Variants in TAF1B observed in about 807,000 individuals in gnomAD.
The protein encoded by TAF1B is TATA-box binding protein associated factor, RNA polymerase I subunit B, also known as TATA box-binding protein-associated factor RNA polymerase I subunit B.
Under a neutral mutation model 83.9 loss-of-function variants are expected in TAF1B, and 61 were observed. That is an observed-to-expected ratio of 0.73 (90% confidence interval 0.59 to 0.90). The LOEUF (loss-of-function observed/expected upper bound fraction) is 0.90. Ranked by LOEUF, TAF1B falls within the 40% of genes least tolerant of loss-of-function variation. The pLI, the probability that TAF1B is intolerant of heterozygous loss-of-function variation, is 0.00. For synonymous variants in TAF1B, 221 were observed against 224.6 expected (o/e 0.98, Z 0.14); for missense variants, 625 against 677.0 (o/e 0.92, Z 0.85).
chr2:9,896,030 A>T (rs1206300551), intron 8 of TAF1B, among the ~76,000 whole-genome samples: 2 of 152,186 alleles, frequency 1.3e-5, no homozygotes, highest in East Asian at 3.8e-4. Flanking sequence ...TTTTTAATGC[A>T]TGCTGGAACA....
chr2:9,932,955 C>T (rs1375792421), intron 14 of TAF1B, among the ~76,000 whole-genome samples: 1 of 152,240 alleles, frequency 6.6e-6, no homozygotes, highest in Admixed American at 6.5e-5. Flanking sequence ...GAGCAAGGCT[C>T]CGTGGGCGAG....
At chr2:9,893,919 T>C (rs1431191380) in intron 8 of TAF1B, among the ~76,000 whole-genome samples, 2 of 152,198 alleles carry the variant, frequency 1.3e-5, no homozygotes, top group African/African-American at 4.8e-5. Context: ...CATTTATTAT[T>C]ACCAGGCTTC....
At chr2:9,863,626 T>C (rs1433778384) in intron 5 of TAF1B, among the ~76,000 whole-genome samples, 2 of 152,162 alleles carry the variant, frequency 1.3e-5, no homozygotes, top group South Asian at 2.1e-4. Flanking sequence ...CTCTCCATCC[T>C]AAATCAACAG....
chr2:9,868,547 A>G, intron 6 of TAF1B, 118 bp downstream of exon 6: 2 of 1,377,576 alleles, frequency 1.5e-6, no homozygotes, highest in Non-Finnish European at 2.0e-6. Context: ...GGAAGAATCT[A>G]GCAAGGAAGA....
At chr2:9,864,278 C>T (rs1663887246) in intron 5 of TAF1B, among the ~76,000 whole-genome samples, 1 of 124,974 alleles carries the variant, frequency 8.0e-6, no homozygotes, top group South Asian at 2.6e-4. Context: ...CACCACCGAT[C>T]CCACAGCTAC....
Position 9,843,684 on chromosome 2 carries a change from G to T in TAF1B, c.18+125G>T, listed in dbSNP as rs969110306. 23 of 1,149,686 alleles carry T rather than the reference G, an allele frequency of 2.0e-5. No homozygotes were observed. The Admixed American group carries it at 2.5e-4, about 13-fold the overall frequency. The allele number at this position is 1,149,686 out of a possible 1,614,324, so 71.2% of individuals were successfully genotyped here. On this transcript the variant is annotated intron_variant, in intron 1 of 14. Coordinates refer to ENST00000263663, the MANE Select transcript of TAF1B (RefSeq NM_005680.3). ...GCCACCGGCTGGAGGAAGGCGGGGC[G>T]GAGGGCTGCAGGGCGGGCTAAGGAC...
chr2:9,849,865 T>C (rs1016845690), intron 3 of TAF1B, among the ~76,000 whole-genome samples: 4 of 152,166 alleles, frequency 2.6e-5, no homozygotes, highest in African/African-American at 9.7e-5. Flanking sequence ...AATTAACCAT[T>C]GTTGAGAAGG....
chr2:9,888,992 G>A (rs1362630742), intron 8 of TAF1B, among the ~76,000 whole-genome samples: 1 of 151,130 alleles, frequency 6.6e-6, no homozygotes, highest in Non-Finnish European at 1.5e-5. Flanking sequence ...AGTAGAGATG[G>A]GGTTTCACCA....
At chr2:9,868,200 G>T in intron 5 of TAF1B, 76 bp from the exon 6 acceptor site, 2 of 1,473,610 alleles carry the variant, frequency 1.4e-6, no homozygotes, top group Non-Finnish European at 1.9e-6. Flanking sequence ...TTTGTGATAG[G>T]AGTTGTTTAA....
intron 8 of TAF1B, among the ~76,000 whole-genome samples, chr2:9,884,560 A>C (rs396281): frequency 1.1e-4 from 16 of 152,110 alleles, no homozygotes; most frequent in African/African-American, 3.6e-4. Context: ...CAGCCAGGGT[A>C]TCCTGATGAG....
At chr2:9,899,009 A>G (rs1383734226) in intron 8 of TAF1B, among the ~76,000 whole-genome samples, 1 of 147,278 alleles carries the variant, frequency 6.8e-6, no homozygotes, top group Non-Finnish European at 1.5e-5. Flanking sequence ...GTGGCAAAAT[A>G]TACATAAAAG....
chr2:9,919,811 T>A lies in TAF1B; in HGVS notation c.1556T>A (p.Phe519Tyr), dbSNP rs1427931673. 1 of 1,613,532 alleles carries A rather than the reference T, an allele frequency of 6.2e-7. No homozygotes were observed. Among genetic ancestry groups the A allele is most frequent in the Non-Finnish European group, 8.5e-7 (1 of 1,179,716 alleles). The change falls in exon 14 of 15, where the codon TTC becomes TAC. Residue 519 changes from phenylalanine (F) to tyrosine (Y), a missense_variant. Transcript: ENST00000263663. ...TTATATTGGCTTAGTACACAGAAAT[T>A]CTGCAGATGGTAATAATGCTTTTAG... is the stretch of plus-strand genomic sequence containing the variant. ...NSLYWLSTQK[F>Y]CRCYCTHVTT...
chr2:9,913,442 A>G (rs1665594485), intron 12 of TAF1B, 193 bp downstream of exon 12: 2 of 457,686 alleles, frequency 4.4e-6, no homozygotes, highest in Non-Finnish European at 7.7e-6. Context: ...TTTGATGTGG[A>G]TTTCACCAGT....
intron 8 of TAF1B, among the ~76,000 whole-genome samples, chr2:9,886,384 T>C (rs571799949): frequency 2.0e-5 from 3 of 152,352 alleles, no homozygotes; most frequent in Non-Finnish European, 1.5e-5. Flanking sequence ...AGGAAGTCCA[T>C]GGATATGGGA....
intron 8 of TAF1B, among the ~76,000 whole-genome samples, chr2:9,890,895 CAAG>C (rs1664850980): frequency 6.6e-6 from 1 of 152,122 alleles, no homozygotes. Flanking sequence ...CTCAGCCTCC[CAAG>C]TAGCTGGGAT....
chr2:9,868,049 G>A (rs1217626414), intron 5 of TAF1B, among the ~76,000 whole-genome samples: 2 of 152,182 alleles, frequency 1.3e-5, no homozygotes, highest in African/African-American at 4.8e-5. Flanking sequence ...CTGATGGCAG[G>A]GCTGGCAGCC....
At chr2:9,884,097 A>T (rs1014527003) in intron 8 of TAF1B, among the ~76,000 whole-genome samples, 1 of 152,218 alleles carries the variant, frequency 6.6e-6, no homozygotes, top group Non-Finnish European at 1.5e-5. Context: ...GGCCAGTCAG[A>T]TATGCCACCT....
At chr2:9,888,770 CTT>C (rs1664761008) in intron 8 of TAF1B, among the ~76,000 whole-genome samples, 1 of 40,610 alleles carries the variant, frequency 2.5e-5, no homozygotes, top group Non-Finnish European at 4.5e-5. Context: ...TCACAGTTTT[CTT>C]TATGTTTCTT....
intron 8 of TAF1B, among the ~76,000 whole-genome samples, chr2:9,903,761 T>G (rs1665260516): frequency 6.6e-6 from 1 of 152,134 alleles, no homozygotes; most frequent in Admixed American, 6.5e-5. Flanking sequence ...AGAGGGAGGT[T>G]GTGTATCAGA....
Sources: allele counts gnomAD v4.1 joint callset (sites outside exome capture counted in the v4.1 genomes callset), GRCh38; gene constraint gnomAD v4.1.1; transcripts MANE v1.5; gene names NCBI Gene and HGNC (gene_info 2026-07-23, HGNC 2026-07-21).